PDE4A: variants seen among roughly 807,000 people sequenced by gnomAD.
PDE4A encodes 3',5'-cyclic-AMP phosphodiesterase 4A.
In PDE4A, 21 loss-of-function variants were observed where a neutral mutation model predicts 73.9. That is an observed-to-expected ratio of 0.28 (90% CI 0.20 to 0.41). The LOEUF (loss-of-function observed/expected upper bound fraction) is 0.41. Among genes scored for constraint, PDE4A ranks in the 10% least tolerant of loss-of-function variants. The pLI, the probability that PDE4A is intolerant of heterozygous loss-of-function variation, is 1.00. For synonymous variants in PDE4A, 463 were observed against 505.4 expected (o/e 0.92, Z 1.13); for missense variants, 958 against 1,211.4 (o/e 0.79, Z 3.10).
rs1403035643 is a variant in PDE4A at position 10,459,728 on chromosome 19, C to T, written c.1334C>T (p.Thr445Ile). The T allele has an allele frequency of 6.2e-7, 1 of 1,613,552 alleles. No individual in the cohort carries two copies. Among genetic ancestry groups the T allele is most frequent in the African/African-American group, 1.3e-5 (1 of 74,942 alleles). ...SLHAADVLQS[T>I]HVLLATPALD... Reference sequence around the variant, plus strand: ...CACGCAGCTGACGTGCTGCAGTCCACCCACGTACTGCTGGCCACGCCTGCA... The same window carrying T: ...CACGCAGCTGACGTGCTGCAGTCCATCCACGTACTGCTGGCCACGCCTGCA... Residue 445 changes from threonine (T) to isoleucine (I), a missense_variant, in exon 10 of 15, where the codon ACC becomes ATC. Coordinates refer to ENST00000380702, the MANE Select transcript of PDE4A (RefSeq NM_001111307.2).
chr19:10,418,923 G>A (rs1177328305), upstream of PDE4A: 1 of 984,990 alleles, frequency 1.0e-6, no homozygotes, highest in African/African-American at 1.7e-5. Context: ...GAGAGAAGTG[G>A]GGAACACAGT....
upstream of PDE4A, chr19:10,418,695 G>A: frequency 1.1e-6 from 1 of 929,178 alleles, no homozygotes. Context: ...ACCGCTCCTC[G>A]TTTCCTCCTT....
intron 7 of PDE4A, among the ~76,000 whole-genome samples, chr19:10,456,816 T>G (rs1042763125): frequency 2.0e-5 from 3 of 152,056 alleles, no homozygotes; most frequent in African/African-American, 7.2e-5. Flanking sequence ...CTAGAGATAT[T>G]CCCCCAAACT....
chr19:10,441,825 G>C (rs1367286847), intron 1 of PDE4A, among the ~76,000 whole-genome samples: 1 of 151,378 alleles, frequency 6.6e-6, no homozygotes, highest in African/African-American at 2.4e-5. Flanking sequence ...GAATAGCTGG[G>C]ATTACAGGCA....
In PDE4A at chr19:10,453,014, C is replaced by G; in HGVS notation, c.784-1815C>G. The G allele has an allele frequency of 1.5e-6, 2 of 1,315,620 alleles. No homozygotes were observed. The highest frequency in any genetic ancestry group is 1.9e-6 in the Non-Finnish European group (2 of 1,032,192). The allele number at this position is 1,315,620 out of a possible 1,614,324, so 81.5% of individuals were successfully genotyped here. A position where few individuals can be genotyped will look rare whatever the true frequency, so the allele number is the denominator to read the frequency against. ...CCCCCTCCCATGGGCACGGACCCCC[C>G]ACCGCCTCCACCCACTGCCGCGGGG... On this transcript the variant is annotated intron_variant, in intron 6 of 14. Transcript: ENST00000380702. This position sits in a 1 kb window ranked among gnomAD's most constrained non-coding sequence, Gnocchi z 4.6.
chr19:10,440,328 A>G (rs971422987), intron 1 of PDE4A, among the ~76,000 whole-genome samples: 9 of 151,658 alleles, frequency 5.9e-5, no homozygotes, highest in Non-Finnish European at 4.4e-5. Flanking sequence ...GAGTGATGTT[A>G]AGGATTTTTT....
chr19:10,467,511 G>A lies in PDE4A; in HGVS notation c.2551G>A (p.Glu851Lys), dbSNP rs1326283041. 4.3e-6 allele frequency: 7 copies of A among 1,612,646 alleles called. No individual in the cohort carries two copies. The highest frequency in any genetic ancestry group is 5.9e-6 in the Non-Finnish European group (7 of 1,179,818). Residue 851 changes from glutamate to lysine, a missense_variant, in exon 15 of 15, where the codon GAG becomes AAG. Glu to Lys is a moderately conservative substitution (Grantham distance 56). Around this residue, in one of 3 missense-constraint regions of PDE4A, gnomAD observed 243 missense variants for 245.9 expected, o/e 0.99. Coordinates refer to ENST00000380702, the MANE Select transcript of PDE4A (RefSeq NM_001111307.2). ...GGCGGCCGAGGTGGAGGCCCAACGAGAGCACCAGGCTGCCAAGAGGGCTTG... is the reference window on the plus strand; with the variant it reads ...GGCGGCCGAGGTGGAGGCCCAACGAAAGCACCAGGCTGCCAAGAGGGCTTG... ...STAAEVEAQR[E>K]HQAAKRACSA...
chr19:10,461,453 G>T, intron 11 of PDE4A, 73 bp from the exon 12 acceptor site: 2 of 1,578,258 alleles, frequency 1.3e-6, no homozygotes, highest in Non-Finnish European at 1.7e-6. Context: ...TAGCTAGTTG[G>T]GGGCGGAGCT....
At chr19:10,430,058 G>A (rs1349120109) in intron 1 of PDE4A, among the ~76,000 whole-genome samples, 1 of 152,022 alleles carries the variant, frequency 6.6e-6, no homozygotes, top group Admixed American at 6.6e-5. Flanking sequence ...GGGTACTGAG[G>A]GAGGGTCTAT....
chr19:10,461,956 G>C lies in PDE4A; in HGVS notation c.1700G>C (p.Ser567Thr), dbSNP rs1340812061. The change falls in exon 13 of 15, where the codon AGC becomes ACC. Residue 567 changes from serine to threonine, a missense_variant. Physicochemically the swap from Ser to Thr is moderately conservative, Grantham distance 58. Around this residue, in one of 3 missense-constraint regions of PDE4A, gnomAD observed 570 missense variants for 827.7 expected, o/e 0.69. Transcript: ENST00000380702. Reference protein sequence around the residue: ...KTMVETKKVTSSGVLLLDNYS... With the variant: ...KTMVETKKVTTSGVLLLDNYS... The stretch of plus-strand genomic sequence containing the variant: ...ATGGTGGAGACCAAGAAAGTGACCA[G>C]CTCAGGGGTCCTCCTGCTAGATAAC... 6.2e-7 allele frequency: 1 copy of C among 1,614,088 alleles called. No homozygotes were observed. Among genetic ancestry groups the C allele is most frequent in the Non-Finnish European group, 8.5e-7 (1 of 1,180,002 alleles).
chr19:10,439,534 T>C (rs573616423), intron 1 of PDE4A, among the ~76,000 whole-genome samples: 3 of 152,272 alleles, frequency 2.0e-5, no homozygotes, highest in African/African-American at 7.2e-5. Context: ...CAGGTAGGAA[T>C]GGATTGTTTG....
chr19:10,467,700 A>G lies in PDE4A; in HGVS notation c.*79A>G, dbSNP rs199503786. ...CCCCGACCACCTCCTCCTCTGCCTC[A>G]AAGACTCTTGTCCTCTTGTCCCTCC... On this transcript the variant is annotated 3_prime_UTR_variant, in exon 15 of 15. Coordinates refer to ENST00000380702, the MANE Select transcript of PDE4A (RefSeq NM_001111307.2). 5 of 1,108,452 alleles carry G rather than the reference A, an allele frequency of 4.5e-6. No individual in the cohort carries two copies. Among genetic ancestry groups the G allele is most frequent in the African/African-American group, 1.6e-5 (1 of 63,746 alleles). The allele number at this position is 1,108,452 out of a possible 1,614,324, so 68.7% of individuals were successfully genotyped here.
In PDE4A at chr19:10,447,217, CTTTTTTT is replaced by C. The variant is rs34169084; in HGVS notation, c.512+828_512+834del. Among the ~76,000 whole-genome samples, 392 of 59,220 alleles carry C rather than the reference CTTTTTTT, an allele frequency of 6.6e-3. 9 individuals carry two copies. In the East Asian group the frequency reaches 0.14, roughly 21 times the overall value. The allele number at this position is 59,220 out of a possible 152,430, so 38.9% of individuals were successfully genotyped here. A position where few individuals can be genotyped will look rare whatever the true frequency, so the allele number is the denominator to read the frequency against. On this transcript the variant is annotated intron_variant, in intron 2 of 14. Transcript: ENST00000380702. Reference sequence around the variant, plus strand: ...GCCTGGCCTCAGTTCCTTTTTTTCTCTTTTTTTTTTTTTTTTTTTTTTTTTTGAGACA... The same window carrying C: ...GCCTGGCCTCAGTTCCTTTTTTTCTCTTTTTTTTTTTTTTTTTTTGAGACA...
At position 10,461,890 on chromosome 19, in the gene PDE4A, A is replaced by G; in HGVS notation, c.1634A>G (p.Asp545Gly). ...KMVIDMVLAT[D>G]MSKHMTLLAD... is the part of the protein sequence containing the mutation. ...CCTTGCCCGCAGGTGCTGGCCACGG[A>G]CATGTCCAAGCACATGACCCTCCTG... The change falls in exon 13 of 15, where the codon GAC becomes GGC. Residue 545 changes from aspartate (D) to glycine (G), a missense_variant. Physicochemically the swap from Asp to Gly is moderately conservative, Grantham distance 94 (BLOSUM62 -1). This residue lies in a region of PDE4A where 570 missense variants were observed against 827.7 expected (regional missense o/e 0.69). Coordinates refer to ENST00000380702, the MANE Select transcript of PDE4A (RefSeq NM_001111307.2). 1 of 1,613,792 alleles carries G rather than the reference A, an allele frequency of 6.2e-7. No homozygotes were observed. The highest frequency in any genetic ancestry group is 8.5e-7 in the Non-Finnish European group (1 of 1,179,878).
intron 13 of PDE4A, among the ~76,000 whole-genome samples, chr19:10,463,395 C>CTTTT (rs35214617): frequency 2.0e-3 from 202 of 100,266 alleles, no homozygotes; most frequent in Non-Finnish European, 2.7e-3. Flanking sequence ...CAGCCCCATT[C>CTTTT]TTTTTTTTTT....
intron 5 of PDE4A, 67 bp from the exon 6 acceptor site, chr19:10,450,753 CGTCACGGCG>C: frequency 1.3e-6 from 2 of 1,578,704 alleles, no homozygotes; most frequent in Non-Finnish European, 1.7e-6. Flanking sequence ...TGGCGAACCC[CGTCACGGCG>C]GTCTGGAGCC....
intron 1 of PDE4A, chr19:10,427,504 C>T: frequency 1.0e-6 from 1 of 985,324 alleles, no homozygotes. Context: ...GCTCATAGAC[C>T]ATTAGGCCAT....
rs960283364 is a variant in PDE4A at position 10,450,948 on chromosome 19, A to G, written c.783+7A>G. 47 of 1,513,174 alleles carry G rather than the reference A, an allele frequency of 3.1e-5. No homozygotes were observed. Among genetic ancestry groups the G allele is most frequent in the Non-Finnish European group, 4.1e-5 (46 of 1,108,870 alleles). 93.7% of individuals were successfully genotyped at this position (1,513,174 alleles called of 1,614,324 possible). A position where few individuals can be genotyped will look rare whatever the true frequency, so the allele number is the denominator to read the frequency against. On this transcript the variant is annotated splice_region_variant and intron_variant, in intron 6 of 14. Coordinates refer to ENST00000380702, the MANE Select transcript of PDE4A (RefSeq NM_001111307.2). ...CGAGATGGCCTCGCACAAGGTGTGCAGGTGGTGGGCAGAACCCCTGGGCGG... is the reference window on the plus strand; with the variant it reads ...CGAGATGGCCTCGCACAAGGTGTGCGGGTGGTGGGCAGAACCCCTGGGCGG...
intron 1 of PDE4A, chr19:10,423,195 G>C (rs915269624): frequency 1.1e-5 from 10 of 883,318 alleles, no homozygotes; most frequent in Non-Finnish European, 1.3e-5. Context: ...AGTCTCCTCT[G>C]TCACCCAGGC....
Sources: allele counts gnomAD v4.1 joint callset (sites outside exome capture counted in the v4.1 genomes callset), GRCh38; gene constraint gnomAD v4.1.1; regional missense constraint gnomAD v4.1.1; non-coding constraint Gnocchi (gnomAD v3.1); transcripts MANE v1.5; gene names NCBI Gene and HGNC (gene_info 2026-07-23, HGNC 2026-07-21).